The following NKAIN2 variants were observed in gnomAD, a reference collection of about 807,000 sequenced individuals.
The protein encoded by NKAIN2 is sodium/potassium-transporting ATPase subunit beta-1-interacting protein 2.
Under a neutral mutation model 32.6 loss-of-function variants are expected in NKAIN2, and 14 were observed. The observed-to-expected ratio is 0.43, with a 90% CI of 0.28 to 0.67. NKAIN2 has a LOEUF of 0.67. Among genes scored for constraint, NKAIN2 ranks in the 30% least tolerant of loss-of-function variants. The probability of loss-of-function intolerance (pLI) is 0.17; values close to 1 mark genes in which losing one functional copy is unlikely to be tolerated. For synonymous variants in NKAIN2, 80 were observed against 87.2 expected (o/e 0.92, Z 0.46); for missense variants, 198 against 258.3 (o/e 0.77, Z 1.60).
At chr6:124,176,695 A>T (rs569689056) in intron 1 of NKAIN2, among the ~76,000 whole-genome samples, 1 of 135,818 alleles carries the variant, frequency 7.4e-6, no homozygotes, top group South Asian at 2.7e-4. Context: ...GTTAATATGT[A>T]ATTTAACAAC....
intron 1 of NKAIN2, among the ~76,000 whole-genome samples, chr6:124,215,898 A>G (rs1451569225): frequency 2.0e-5 from 3 of 152,084 alleles, no homozygotes; most frequent in African/African-American, 7.2e-5. Context: ...CGGGTGGATC[A>G]CCTGAGGTCA....
chr6:124,448,712 C>T (rs1775988951), intron 3 of NKAIN2, among the ~76,000 whole-genome samples: 1 of 152,100 alleles, frequency 6.6e-6, no homozygotes, highest in African/African-American at 2.4e-5. Context: ...TGGCAGCCTA[C>T]ACTTAAGGAA....
intron 3 of NKAIN2, among the ~76,000 whole-genome samples, chr6:124,493,629 G>A (rs1777949987): frequency 6.7e-6 from 1 of 148,716 alleles, no homozygotes; most frequent in African/African-American, 2.5e-5. Flanking sequence ...TTACATACAG[G>A]AGCCATTATT....
intron 1 of NKAIN2, among the ~76,000 whole-genome samples, chr6:123,849,541 G>A (rs1017473403): frequency 9.8e-5 from 15 of 152,288 alleles, no homozygotes; most frequent in Admixed American, 2.0e-4. Context: ...ATTAGCTACA[G>A]GCAGAAGTCT....
At chr6:124,006,500 T>C (rs960866435) in intron 1 of NKAIN2, among the ~76,000 whole-genome samples, 12 of 152,188 alleles carry the variant, frequency 7.9e-5, no homozygotes, top group African/African-American at 2.9e-4. Flanking sequence ...GCATGTGACA[T>C]AAATGTTTCA....
intron 1 of NKAIN2, chr6:123,823,371 G>T (rs9490951): frequency 0.28 from 42,052 of 152,068 alleles, 8,341 homozygotes; most frequent in East Asian, 0.56. Context: ...TGTGTTGACA[G>T]ATGGGATAGT....
At chr6:124,052,176 C>G (rs980584355) in intron 1 of NKAIN2, among the ~76,000 whole-genome samples, 4 of 151,968 alleles carry the variant, frequency 2.6e-5, no homozygotes, top group African/African-American at 9.7e-5. Flanking sequence ...GTTACTCTGA[C>G]CATGTTATAG....
chr6:124,361,302 T>C (rs1279132824), intron 3 of NKAIN2, among the ~76,000 whole-genome samples: 1 of 152,100 alleles, frequency 6.6e-6, no homozygotes, highest in Non-Finnish European at 1.5e-5. Context: ...AAATTATAAA[T>C]TACTCAGGCT....
At chr6:124,740,746 T>C in intron 4 of NKAIN2, among the ~76,000 whole-genome samples, 1 of 151,474 alleles carries the variant, frequency 6.6e-6, no homozygotes, top group East Asian at 2.0e-4. Context: ...TGAAGAGGAA[T>C]GAGAGAGAAG....
chr6:124,044,340 G>A (rs1782022841), intron 1 of NKAIN2, among the ~76,000 whole-genome samples: 1 of 151,914 alleles, frequency 6.6e-6, no homozygotes, highest in Admixed American at 6.6e-5. Flanking sequence ...AAAAACTGTG[G>A]AATGTTTTCC....
intron 1 of NKAIN2, among the ~76,000 whole-genome samples, chr6:124,154,645 G>T (rs1787894277): frequency 6.6e-6 from 1 of 151,754 alleles, no homozygotes; most frequent in Non-Finnish European, 1.5e-5. Context: ...TGATTATTTT[G>T]CTCCTTTTTA....
chr6:124,389,669 T>A (rs1418567509), intron 3 of NKAIN2, among the ~76,000 whole-genome samples: 2 of 151,760 alleles, frequency 1.3e-5, no homozygotes, highest in Non-Finnish European at 2.9e-5. Flanking sequence ...ATCCTCACCC[T>A]CTTTCTCTCT....
intron 4 of NKAIN2, among the ~76,000 whole-genome samples, chr6:124,710,485 C>G (rs1775385188): frequency 6.6e-6 from 1 of 151,798 alleles, no homozygotes; most frequent in African/African-American, 2.4e-5. Context: ...GTAGGTCACT[C>G]AGGACTTGCT....
chr6:124,536,093 ACT>A (rs1779703665), intron 3 of NKAIN2, among the ~76,000 whole-genome samples: 1 of 152,220 alleles, frequency 6.6e-6, no homozygotes, highest in South Asian at 2.1e-4. Context: ...GCAGAAAATA[ACT>A]ACTGAACTAG....
intron 3 of NKAIN2, among the ~76,000 whole-genome samples, chr6:124,469,896 A>G (rs143372083): frequency 1.3e-5 from 2 of 152,296 alleles, no homozygotes; most frequent in African/African-American, 4.8e-5. Flanking sequence ...CCTGAAGACC[A>G]TAACCACACT....
chr6:124,626,968 T>C (rs1783377417), intron 3 of NKAIN2, among the ~76,000 whole-genome samples: 1 of 152,190 alleles, frequency 6.6e-6, no homozygotes, highest in Non-Finnish European at 1.5e-5. Context: ...TTTATTTTCC[T>C]TTTTAAAATT....
intron 3 of NKAIN2, among the ~76,000 whole-genome samples, chr6:124,411,671 C>G (rs934671299): frequency 5.9e-5 from 9 of 152,150 alleles, no homozygotes; most frequent in Non-Finnish European, 1.3e-4. Flanking sequence ...TGGCGTTGCT[C>G]TTCTCGAGGA....
chr6:124,257,266 T>G (rs1387684019), intron 1 of NKAIN2, among the ~76,000 whole-genome samples: 1 of 152,168 alleles, frequency 6.6e-6, no homozygotes. Context: ...TTGGTTGCCC[T>G]TGCATGCACC....
intron 2 of NKAIN2, among the ~76,000 whole-genome samples, chr6:124,327,701 T>G (rs980404486): frequency 8.5e-5 from 13 of 152,128 alleles, no homozygotes; most frequent in Non-Finnish European, 1.6e-4. Flanking sequence ...TAGCCATTAT[T>G]TTTTTAAATG....
Sources: gnomAD v4.1 joint callset for allele counts (sites outside exome capture counted in the v4.1 genomes callset) on GRCh38, gnomAD v4.1.1 for gene constraint, MANE v1.5 for transcripts, NCBI Gene and HGNC (gene_info 2026-07-23, HGNC 2026-07-21) for gene names.